The following CCDC18 variants were observed in gnomAD, a reference collection of about 807,000 sequenced individuals.
CCDC18 encodes the protein coiled-coil domain containing 18, also known as coiled-coil domain-containing protein 18.
Under a neutral mutation model 196.0 loss-of-function variants are expected in CCDC18, and 157 were observed. The observed-to-expected ratio is 0.80, with a 90% CI of 0.70 to 0.91. CCDC18 has a LOEUF of 0.91. Ranked by LOEUF, CCDC18 falls within the 40% of genes least tolerant of loss-of-function variation. The probability of loss-of-function intolerance (pLI) is 0.00; values close to 1 mark genes in which losing one functional copy is unlikely to be tolerated. For missense variants in CCDC18, 1,465 were observed against 1,611.6 expected (o/e 0.91, Z 1.56); for synonymous variants, 482 against 529.2 (o/e 0.91, Z 1.22).
intron 11 of CCDC18, among the ~76,000 whole-genome samples, chr1:93,214,215 C>G (rs1338715907): frequency 6.6e-6 from 1 of 152,150 alleles, no homozygotes; most frequent in Non-Finnish European, 1.5e-5. Flanking sequence ...GCCACTGTGC[C>G]TGGCTACCCT....
At chr1:93,227,091 G>A (rs1160277412) in intron 17 of CCDC18, among the ~76,000 whole-genome samples, 1 of 144,528 alleles carries the variant, frequency 6.9e-6, no homozygotes, top group Non-Finnish European at 1.5e-5. Context: ...TTTTGTTTTT[G>A]TTCTTGTTGT....
chr1:93,183,179 T>C (rs1354247975), intron 1 of CCDC18, among the ~76,000 whole-genome samples, 181 bp from the exon 2 acceptor site: 1 of 152,164 alleles, frequency 6.6e-6, no homozygotes, highest in African/African-American at 2.4e-5. Flanking sequence ...AATTCCTTTA[T>C]GGCTTTACAC....
rs939532988 is a variant in CCDC18 at position 93,239,292 on chromosome 1, T to C, written c.2604-18T>C. 6.6e-6 allele frequency: 10 copies of C among 1,505,764 alleles called. No individual in the cohort carries two copies. The highest frequency in any genetic ancestry group is 8.9e-7 in the Non-Finnish European group (1 of 1,123,936). 93.3% of individuals were successfully genotyped at this position (1,505,764 alleles called of 1,614,324 possible). A position where few individuals can be genotyped will look rare whatever the true frequency, so the allele number is the denominator to read the frequency against. ...TTAAGTTTCTAAATTACCTGTTTTA[T>C]TATTTGTTTTTAATTAGGCAAGTAA... On this transcript the variant is annotated intron_variant, in intron 19 of 28. Transcript: ENST00000690025.
intron 9 of CCDC18, 45 bp from the exon 10 acceptor site, chr1:93,210,757 A>G (rs555161): frequency 0.62 from 888,500 of 1,432,708 alleles, 284,008 homozygotes; most frequent in South Asian, 0.67. Context: ...AAGCAAATGC[A>G]TCTCATTTAC....
intron 26 of CCDC18, among the ~76,000 whole-genome samples, chr1:93,264,314 A>G (rs1469229245): frequency 6.6e-6 from 1 of 152,184 alleles, no homozygotes; most frequent in African/African-American, 2.4e-5. Context: ...TCTAAAAGAT[A>G]AGGGCTATTT....
chr1:93,242,173 A>G (rs1660886285), intron 21 of CCDC18, among the ~76,000 whole-genome samples: 1 of 152,220 alleles, frequency 6.6e-6, no homozygotes, highest in Non-Finnish European at 1.5e-5. Context: ...TAAACAAAAT[A>G]TAGTGTCTTA....
At position 93,233,058 on chromosome 1, in the gene CCDC18, A is replaced by G. The variant is rs1349491077; in HGVS notation, c.2460+465A>G. Among the ~76,000 whole-genome samples the G allele has an allele frequency of 5.3e-5, 8 of 152,188 alleles. No individual in the cohort carries two copies. The East Asian group carries it at 7.7e-4, about 15-fold the overall frequency. ...TATTGTAAAATAAAGTTCTATTCCT[A>G]TGTAATCTGACCTCCATCTCTTATA... On this transcript the variant is annotated intron_variant, in intron 18 of 28. Transcript: ENST00000690025.
At chr1:93,264,667 A>ATTTTTTTTTT in intron 26 of CCDC18, 34 bp from the exon 27 acceptor site, 1 of 1,320,042 alleles carries the variant, frequency 7.6e-7, no homozygotes, top group Non-Finnish European at 1.1e-6. Flanking sequence ...CCATTTTTTT[A>ATTTTTTTTTT]TTTTTTTTCT....
chr1:93,235,944 G>A (rs1451871329), intron 18 of CCDC18, among the ~76,000 whole-genome samples: 2 of 152,096 alleles, frequency 1.3e-5, no homozygotes, highest in African/African-American at 4.8e-5. Context: ...GAAAGGAGCA[G>A]TATGGTAAGA....
intron 4 of CCDC18, among the ~76,000 whole-genome samples, chr1:93,187,821 T>C (rs1650975820): frequency 1.3e-5 from 2 of 152,178 alleles, no homozygotes; most frequent in Non-Finnish European, 2.9e-5. Context: ...TCCTCATCTT[T>C]TCTTGGTCAC....
intron 7 of CCDC18, among the ~76,000 whole-genome samples, chr1:93,205,282 CCTAT>C (rs1274807211): frequency 1.3e-5 from 2 of 152,124 alleles, no homozygotes; most frequent in African/African-American, 2.4e-5. Context: ...GATGCAATTG[CCTAT>C]CTGTTACAGG....
Position 93,272,570 on chromosome 1 carries a change from T to TAA in CCDC18, c.4353+1758_4353+1759dup, listed in dbSNP as rs1235948581. Among the ~76,000 whole-genome samples the TAA allele has an allele frequency of 2.0e-5, 3 of 152,188 alleles. No individual in the cohort carries two copies. The South Asian group carries it at 6.2e-4, about 32-fold the overall frequency. On this transcript the variant is annotated intron_variant, in intron 28 of 28. Transcript: ENST00000690025. Reference sequence around the variant, plus strand: ...ATCAATTGTGTCCAGTGTTGCTAAGTAAAGTGAAGGTTGATTATTGACTAT... The same window carrying TAA: ...ATCAATTGTGTCCAGTGTTGCTAAGTAAAAAGTGAAGGTTGATTATTGACTAT...
At chr1:93,187,449 G>T (rs757944883) in intron 4 of CCDC18, among the ~76,000 whole-genome samples, 14 of 151,948 alleles carry the variant, frequency 9.2e-5, no homozygotes, top group Non-Finnish European at 2.1e-4. Context: ...GTGTGTGTGT[G>T]TTTGTATGTA....
rs1173867218 is a variant in CCDC18, at chr1:93,221,708, G to C, written c.2062G>C (p.Glu688Gln). 7.5e-6 allele frequency: 12 copies of C among 1,597,968 alleles called. No individual in the cohort carries two copies. Among genetic ancestry groups the C allele is most frequent in the Non-Finnish European group, 1.0e-5 (12 of 1,175,700 alleles). Residue 688 changes from glutamate (E) to glutamine (Q), a missense_variant, in exon 15 of 29, where the codon GAA (glutamate) becomes CAA (glutamine). Physicochemically the swap from Glu to Gln is conservative, Grantham distance 29. Transcript: ENST00000690025. ...TATAATATGCAAACAACATCATCTTGAATCACTAGATAGACTCTTGACGGA... is the reference window on the plus strand; with the variant it reads ...TATAATATGCAAACAACATCATCTTCAATCACTAGATAGACTCTTGACGGA... ...QDIICKQHHL[E>Q]SLDRLLTESK... is the part of the protein sequence containing the mutation.
At chr1:93,258,997 T>C in intron 26 of CCDC18, 112 bp downstream of exon 26, 1 of 826,984 alleles carries the variant, frequency 1.2e-6, no homozygotes, top group Non-Finnish European at 1.7e-6. Flanking sequence ...TACATTGTGG[T>C]CTTCATTTCT....
At chr1:93,185,269 G>A (rs1650446421) in intron 3 of CCDC18, among the ~76,000 whole-genome samples, 1 of 151,678 alleles carries the variant, frequency 6.6e-6, no homozygotes, top group African/African-American at 2.4e-5. Flanking sequence ...TTGCCTAGTG[G>A]GAATGCACAG....
chr1:93,191,992 T>G lies in CCDC18; in HGVS notation c.463-8T>G. On this transcript the variant is annotated splice_polypyrimidine_tract_variant and splice_region_variant and intron_variant, in intron 4 of 28. Transcript: ENST00000690025. ...GAAAGTACTATAAAAGTTGTTTTTA[T>G]GTTTTAGGTTTCTATGCTTGAGTCT... is the stretch of plus-strand genomic sequence containing the variant. 1.3e-6 allele frequency: 2 copies of G among 1,591,342 alleles called. No individual in the cohort carries two copies. The highest frequency in any genetic ancestry group is 1.7e-6 in the Non-Finnish European group (2 of 1,164,380).
chr1:93,239,612 T>C (rs891636817), intron 20 of CCDC18, 71 bp from the exon 21 acceptor site: 33 of 1,337,456 alleles, frequency 2.5e-5, no homozygotes, highest in Non-Finnish European at 3.3e-5. Flanking sequence ...TAATTGAATA[T>C]TCTTAATATA....
intron 16 of CCDC18, among the ~76,000 whole-genome samples, chr1:93,222,534 C>G (rs1483947188): frequency 6.6e-6 from 1 of 152,152 alleles, no homozygotes; most frequent in Non-Finnish European, 1.5e-5. Context: ...GAATTTCTAG[C>G]TAAAATACGG....
Sources: allele counts gnomAD v4.1 joint callset (sites outside exome capture counted in the v4.1 genomes callset), GRCh38; gene constraint gnomAD v4.1.1; transcripts MANE v1.5; gene names NCBI Gene and HGNC (gene_info 2026-07-23, HGNC 2026-07-21).